RASGRP1: variants seen among roughly 807,000 people sequenced by gnomAD.
RASGRP1 encodes RAS guanyl releasing protein 1.
A neutral mutation model predicts 95.1 loss-of-function variants in RASGRP1; 37 were observed. The observed-to-expected ratio is 0.39, with a 90% CI of 0.30 to 0.51. The LOEUF is 0.51. Ranked by LOEUF, RASGRP1 falls within the 20% of genes least tolerant of loss-of-function variation. The pLI, the probability that RASGRP1 is intolerant of heterozygous loss-of-function variation, is 0.80. For synonymous variants in RASGRP1, 325 were observed against 353.4 expected (o/e 0.92, Z 0.90); for missense variants, 711 against 965.4 (o/e 0.74, Z 3.49).
chr15:38,494,228 CCT>C, intron 16 of RASGRP1, 152 bp downstream of exon 16: 3 of 989,206 alleles, frequency 3.0e-6, no homozygotes, highest in Non-Finnish European at 4.6e-6. Flanking sequence ...TCTCTTCCTC[CCT>C]GTTTCTCCCT....
chr15:38,506,030 T>TAAAC, intron 9 of RASGRP1, 110 bp from the exon 10 acceptor site: 1 of 824,610 alleles, frequency 1.2e-6, no homozygotes, highest in Non-Finnish European at 2.0e-6. Context: ...TTTTAGGTTC[T>TAAAC]AAACAGTTTG....
At chr15:38,563,408 T>G (rs1179721741) in intron 1 of RASGRP1, among the ~76,000 whole-genome samples, 3 of 152,160 alleles carry the variant, frequency 2.0e-5, no homozygotes, top group Non-Finnish European at 4.4e-5. Flanking sequence ...ATAGGTTTGC[T>G]GAAGGAGACC....
chr15:38,513,176 C>A lies in RASGRP1; in HGVS notation c.676-220G>T, dbSNP rs140224790. On this transcript the variant is annotated intron_variant, in intron 6 of 16. Transcript: ENST00000310803. ...TACCCACAGCATGATTTCTCTACAT[C>A]GAAAGTTATTAGGAATAAGTGGATG... Among the ~76,000 whole-genome samples the A allele has an allele frequency of 2.6e-5, 4 of 152,220 alleles. No individual in the cohort carries two copies. In the South Asian group the frequency reaches 8.3e-4, roughly 32 times the overall value.
At chr15:38,501,322 T>G in intron 12 of RASGRP1, 35 bp from the exon 13 acceptor site, 1 of 1,611,570 alleles carries the variant, frequency 6.2e-7, no homozygotes, top group East Asian at 2.2e-5. Context: ...GATGTGAGTA[T>G]AAGGGGCATG....
chr15:38,499,241 A>G, intron 14 of RASGRP1: 1 of 499,532 alleles, frequency 2.0e-6, no homozygotes. Flanking sequence ...CTCTAGGGAG[A>G]CCCTCCGGAA....
rs775150830 is a variant in RASGRP1, at chr15:38,526,383, C to T, written c.242G>A (p.Arg81Gln). The T allele has an allele frequency of 1.6e-5, 26 of 1,612,934 alleles. No homozygotes were observed. The highest frequency in any genetic ancestry group is 3.3e-5 in the South Asian group (3 of 91,066). ...QSFDADGNLC[R>Q]SNQLLQVMLT... ...CATGACTTGCAACAGTTGGTTACTT[C>T]GACACAGGTTTCCATCTGCATCTGA... Residue 81 changes from arginine to glutamine, a missense_variant, in exon 3 of 17, where the codon CGA becomes CAA. Transcript: ENST00000310803.
rs1893739100 is a variant in RASGRP1, at chr15:38,559,953, G to A, written c.88C>T (p.Pro30Ser). 1 of 1,613,588 alleles carries A rather than the reference G, an allele frequency of 6.2e-7. No homozygotes were observed. The highest frequency in any genetic ancestry group is 1.3e-5 in the African/African-American group (1 of 75,018). The change falls in exon 2 of 17, where the codon CCA (proline) becomes TCA (serine). Residue 30 changes from proline (P) to serine (S), a missense_variant. Physicochemically the swap from Pro to Ser is moderately conservative, Grantham distance 74 (BLOSUM62 -1). Around this residue, in one of 3 missense-constraint regions of RASGRP1, gnomAD observed 491 missense variants for 676.6 expected, o/e 0.73. Coordinates refer to ENST00000310803, the MANE Select transcript of RASGRP1 (RefSeq NM_005739.4). ...AASKARLEAK[P>S]ANSPFPSHPS... ...TGGGAGGGGAAGGGGCTGTTGGCTG[G>A]CTTTGCCTCTAGTCTTGCTTTAGAG...
chr15:38,532,388 T>C (rs1298869491), intron 2 of RASGRP1, among the ~76,000 whole-genome samples: 1 of 152,214 alleles, frequency 6.6e-6, no homozygotes, highest in Non-Finnish European at 1.5e-5. Flanking sequence ...TGTAAGCTGC[T>C]AGAGAAGCAT....
chr15:38,532,947 GGT>G (rs1892503874), intron 2 of RASGRP1, among the ~76,000 whole-genome samples: 2 of 152,092 alleles, frequency 1.3e-5, no homozygotes, highest in African/African-American at 4.8e-5. Flanking sequence ...GCTGATAAGA[GGT>G]GGGGGCCAGC....
intron 15 of RASGRP1, 125 bp downstream of exon 15, chr15:38,498,669 C>A: frequency 8.2e-7 from 1 of 1,219,486 alleles, no homozygotes; most frequent in South Asian, 1.5e-5. Context: ...GAGGGGTCAG[C>A]CCTGGCCTAG....
chr15:38,516,842 C>T (rs1244877013), intron 5 of RASGRP1, among the ~76,000 whole-genome samples: 1 of 152,030 alleles, frequency 6.6e-6, no homozygotes, highest in Non-Finnish European at 1.5e-5. Flanking sequence ...GGGAATCACG[C>T]GTAGAAACAT....
chr15:38,560,784 A>C (rs1483659988), intron 1 of RASGRP1, among the ~76,000 whole-genome samples: 5 of 152,230 alleles, frequency 3.3e-5, no homozygotes, highest in Admixed American at 2.0e-4. Flanking sequence ...ATTGAAACAG[A>C]AAGCAGAGCT....
In RASGRP1 at chr15:38,497,095, T is replaced by G. The variant is rs1215697824; in HGVS notation, c.1873+1699A>C. On this transcript the variant is annotated intron_variant, in intron 15 of 16. Transcript: ENST00000310803. The stretch of plus-strand genomic sequence containing the variant: ...GGTTCTACTTAGAAGTCACACAGCT[T>G]CTTATATTAAACTGGCACTAACCTA... 3.9e-5 allele frequency among the ~76,000 whole-genome samples: 6 copies of G among 152,190 alleles called. No individual in the cohort carries two copies. In the East Asian group the frequency reaches 7.7e-4, roughly 20 times the overall value.
At chr15:38,526,179 G>T in intron 3 of RASGRP1, 120 bp downstream of exon 3, 1 of 762,474 alleles carries the variant, frequency 1.3e-6, no homozygotes, top group Non-Finnish European at 2.3e-6. Context: ...AAGGACATAT[G>T]AACCTATTTG....
chr15:38,536,129 C>A (rs769344951), intron 2 of RASGRP1, among the ~76,000 whole-genome samples: 1 of 152,240 alleles, frequency 6.6e-6, no homozygotes, highest in Non-Finnish European at 1.5e-5. Context: ...ATCAAACTCT[C>A]TAGGAACAAT....
chr15:38,544,559 C>T (rs1893033971), intron 2 of RASGRP1, among the ~76,000 whole-genome samples: 1 of 152,170 alleles, frequency 6.6e-6, no homozygotes, highest in Admixed American at 6.5e-5. Flanking sequence ...AGTTTGGCCC[C>T]CTTCTTCTCT....
intron 2 of RASGRP1, among the ~76,000 whole-genome samples, chr15:38,558,969 C>A (rs1039631996): frequency 4.6e-5 from 7 of 152,160 alleles, no homozygotes; most frequent in Admixed American, 1.3e-4. Flanking sequence ...CTGAGCTGTG[C>A]CACACAGGCT....
chr15:38,549,804 G>T (rs1318017012), intron 2 of RASGRP1, among the ~76,000 whole-genome samples: 2 of 151,708 alleles, frequency 1.3e-5, no homozygotes, highest in Non-Finnish European at 2.9e-5. Flanking sequence ...TCTCTCCAGG[G>T]CCCTTGACTA....
At chr15:38,500,078 A>G in intron 14 of RASGRP1, 25 bp downstream of exon 14, 1 of 1,609,618 alleles carries the variant, frequency 6.2e-7, no homozygotes, top group Non-Finnish European at 8.5e-7. Context: ...TACACCAGGA[A>G]TATGTCAACA....
Sources: gnomAD v4.1 joint callset for allele counts (sites outside exome capture counted in the v4.1 genomes callset) on GRCh38, gnomAD v4.1.1 for gene constraint, gnomAD v4.1.1 regional missense constraint, MANE v1.5 for transcripts, NCBI Gene and HGNC (gene_info 2026-07-23, HGNC 2026-07-21) for gene names.